Variants in GDE1 observed in about 807,000 individuals in gnomAD.
GDE1 encodes glycerophosphodiester phosphodiesterase 1.
GDE1 carries 24 observed loss-of-function variants against 32.2 expected under a neutral mutation model. The observed-to-expected ratio is 0.75, with a 90% confidence interval of 0.54 to 1.05. The LOEUF (loss-of-function observed/expected upper bound fraction) is 1.05, where lower values mean the gene tolerates loss of function less well. Among genes scored for constraint, GDE1 ranks in the 50% least tolerant of loss-of-function variants. GDE1 has a pLI of 0.00. For missense variants in GDE1, 380 were observed against 415.0 expected (o/e 0.92, Z 0.73); for synonymous variants, 159 against 158.6 (o/e 1.00, Z -0.02).
chr16:19,507,524 C>T, intron 4 of GDE1, 163 bp downstream of exon 4: 1 of 595,778 alleles, frequency 1.7e-6, no homozygotes, highest in Non-Finnish European at 3.0e-6. Context: ...GGTATGAGTA[C>T]ATTCCCCTTC....
rs374774754 is a variant in GDE1, at chr16:19,521,965, G to A, written c.-1C>T. 91 of 1,534,484 alleles carry A rather than the reference G, an allele frequency of 5.9e-5. No homozygotes were observed. Among genetic ancestry groups the A allele is most frequent in the Non-Finnish European group, 7.8e-5 (89 of 1,135,558 alleles). On this transcript the variant is annotated 5_prime_UTR_variant, in exon 1 of 6. Transcript: ENST00000353258. ...CGCCCTGGTCCTCCCACAGCCACAT[G>A]CCGGCGCCCGCACCGGCACGGACGG...
At chr16:19,509,949 C>A (rs1449563461) in intron 3 of GDE1, among the ~76,000 whole-genome samples, 1 of 151,900 alleles carries the variant, frequency 6.6e-6, no homozygotes, top group Non-Finnish European at 1.5e-5. Context: ...CTGCACCCGG[C>A]CCATTTTGGG....
rs1271763693 is a variant in GDE1 at position 19,505,646 on chromosome 16, T to C, written c.637-554A>G. ...GATGGAGTTCCTTTAGTCTCTGCTCTTGTGCTCCTCTGGGGGAATGTCTTA... is the reference window on the plus strand; with the variant it reads ...GATGGAGTTCCTTTAGTCTCTGCTCCTGTGCTCCTCTGGGGGAATGTCTTA... On this transcript the variant is annotated intron_variant, in intron 4 of 5. Coordinates refer to ENST00000353258, the MANE Select transcript of GDE1 (RefSeq NM_016641.4). Among the ~76,000 whole-genome samples the C allele has an allele frequency of 4.6e-5, 7 of 152,280 alleles. No homozygotes were observed. In the East Asian group the frequency reaches 1.4e-3, roughly 29 times the overall value.
chr16:19,508,643 C>G (rs1409817178), intron 3 of GDE1, among the ~76,000 whole-genome samples: 2 of 149,974 alleles, frequency 1.3e-5, no homozygotes, highest in African/African-American at 5.0e-5. Flanking sequence ...ATTTTTTTTT[C>G]TGTTTGAACA....
Position 19,521,944 on chromosome 16 carries a change from C to T in GDE1, c.21G>A (p.Gln7=), listed in dbSNP as rs867033644. The T allele has an allele frequency of 2.6e-6, 4 of 1,564,986 alleles. No homozygotes were observed. Among genetic ancestry groups the T allele is most frequent in the Non-Finnish European group, 3.5e-6 (4 of 1,154,142 alleles). Reference sequence around the variant, plus strand: ...AGGAGAAAGGGCCCAGGAGGCCGCCCTGGTCCTCCCACAGCCACATGCCGG... The same window carrying T: ...AGGAGAAAGGGCCCAGGAGGCCGCCTTGGTCCTCCCACAGCCACATGCCGG... MWLWED[Q]GGLLGPFSFL... is the part of the protein sequence containing the mutation. The change falls in exon 1 of 6, where the codon CAG becomes CAA. Residue 7 remains glutamine (Q), a synonymous_variant. Transcript: ENST00000353258.
At chr16:19,520,392 T>C (rs1394268625) in intron 1 of GDE1, among the ~76,000 whole-genome samples, 2 of 146,608 alleles carry the variant, frequency 1.4e-5, no homozygotes, top group African/African-American at 2.6e-5. Flanking sequence ...ACAGTGAGAC[T>C]TCGTTTAAAA....
chr16:19,511,052 C>A (rs888573122), intron 2 of GDE1, 108 bp from the exon 3 acceptor site: 3 of 564,490 alleles, frequency 5.3e-6, no homozygotes, highest in African/African-American at 3.9e-5. Context: ...AGTGTTTTCT[C>A]CAACTTCCTT....
At chr16:19,510,976 A>G (rs1259290441) in intron 2 of GDE1, 32 bp from the exon 3 acceptor site, 1 of 1,097,022 alleles carries the variant, frequency 9.1e-7, no homozygotes, top group East Asian at 2.4e-5. Context: ...GTTGTAGGAA[A>G]AAAGAGAAAC....
In GDE1 at chr16:19,503,342, G is replaced by T; in HGVS notation, c.*128C>A. 1.2e-6 allele frequency: 1 copy of T among 804,210 alleles called. No homozygotes were observed. Among genetic ancestry groups the T allele is most frequent in the Non-Finnish European group, 2.0e-6 (1 of 501,368 alleles). The allele number at this position is 804,210 out of a possible 1,614,324, so 49.8% of individuals were successfully genotyped here. A position where few individuals can be genotyped will look rare whatever the true frequency, so the allele number is the denominator to read the frequency against. On this transcript the variant is annotated 3_prime_UTR_variant, in exon 6 of 6. Coordinates refer to ENST00000353258, the MANE Select transcript of GDE1 (RefSeq NM_016641.4). ...TAGCTTTGGTTCAGGTAAAAATGCA[G>T]TGACCAACTATTGCATTTGTGTGAG...
Position 19,517,124 on chromosome 16 carries a change from G to C in GDE1, c.327C>G (p.Val109=). The change falls in exon 2 of 6, where the codon GTC becomes GTG. Residue 109 remains valine, a synonymous_variant. Coordinates refer to ENST00000353258, the MANE Select transcript of GDE1 (RefSeq NM_016641.4). The part of the protein sequence containing the change: ...DIEFTSDGIP[V]LMHDNTVDRT... ...TATCTACTGTGTTATCGTGCATTAA[G>C]ACAGGAATCCCGTCAGAAGTAAACT... 1.2e-6 allele frequency: 2 copies of C among 1,613,526 alleles called. No individual in the cohort carries two copies. The highest frequency in any genetic ancestry group is 1.7e-6 in the Non-Finnish European group (2 of 1,179,426).
chr16:19,513,993 G>T (rs1386196703), intron 2 of GDE1, among the ~76,000 whole-genome samples: 3 of 152,186 alleles, frequency 2.0e-5, no homozygotes, highest in Admixed American at 2.0e-4. Context: ...TAGATGAGAA[G>T]AATTGAAGCA....
Position 19,503,545 on chromosome 16 carries a change from C to CT in GDE1, c.920dup (p.Ser308GlufsTer14). The CT allele has an allele frequency of 1.2e-6, 2 of 1,613,376 alleles. No individual in the cohort carries two copies. Among genetic ancestry groups the CT allele is most frequent in the Non-Finnish European group, 1.7e-6 (2 of 1,179,306 alleles). ...AACCAAGATGGGATTCGTAGTAACT[C>CT]TTTTCATCAAAGGTATTAACAGTCC... On this transcript the variant is annotated frameshift_variant, in exon 6 of 6. Transcript: ENST00000353258. LOFTEE classifies it high-confidence loss of function.
chr16:19,521,733 G>A lies in GDE1; in HGVS notation c.232C>T (p.Pro78Ser). ...IAHRGGSHDA[P>S]ENTLAAIRQA... ...CGAATGGCCGCCAGCGTGTTCTCGG[G>A]CGCGTCGTGGCTGCCGCCACGGTGG... is the stretch of plus-strand genomic sequence containing the variant. Residue 78 changes from proline (P) to serine (S), a missense_variant, in exon 1 of 6, where the codon CCC becomes TCC. Transcript: ENST00000353258. The A allele has an allele frequency of 1.2e-6, 2 of 1,612,194 alleles. No homozygotes were observed. Among genetic ancestry groups the A allele is most frequent in the Non-Finnish European group, 1.7e-6 (2 of 1,179,578 alleles).
At chr16:19,520,727 A>T (rs1029860061) in intron 1 of GDE1, among the ~76,000 whole-genome samples, 5 of 119,876 alleles carry the variant, frequency 4.2e-5, no homozygotes, top group African/African-American at 1.7e-4. Flanking sequence ...TCTGTAAAGT[A>T]AAAAAAAAAA....
At position 19,519,127 on chromosome 16, in the gene GDE1, T is replaced by A. The variant is rs537815718; in HGVS notation, c.262-1938A>T. ...GGGGCCTATGGAACTTCTGACCAAT[T>A]GGCTTCAAGTCCTCTTAGGTTTATT... is the stretch of plus-strand genomic sequence containing the variant. On this transcript the variant is annotated intron_variant, in intron 1 of 5. Coordinates refer to ENST00000353258, the MANE Select transcript of GDE1 (RefSeq NM_016641.4). 3.3e-4 allele frequency among the ~76,000 whole-genome samples: 51 copies of A among 152,344 alleles called. No homozygotes were observed. In the Middle Eastern group the frequency reaches 0.01, roughly 30 times the overall value.
chr16:19,512,721 GTTGA>G (rs1471996469), intron 2 of GDE1, among the ~76,000 whole-genome samples: 2 of 152,018 alleles, frequency 1.3e-5, no homozygotes, highest in African/African-American at 4.8e-5. Context: ...TCCATTTTGT[GTTGA>G]TTTTTTAAAT....
intron 3 of GDE1, among the ~76,000 whole-genome samples, chr16:19,510,520 A>G (rs1389815226): frequency 6.6e-6 from 1 of 152,166 alleles, no homozygotes; most frequent in East Asian, 1.9e-4. Context: ...CAAGGTTACT[A>G]CAGTGGTTTT....
chr16:19,517,035 G>C lies in GDE1; in HGVS notation c.416C>G (p.Pro139Arg). 6.2e-7 allele frequency: 1 copy of C among 1,614,124 alleles called. No homozygotes were observed. Among genetic ancestry groups the C allele is most frequent in the East Asian group, 2.2e-5 (1 of 44,886 alleles). ...TTACCTGAGTCTGTGGTTTGCTGCA[G>C]GATTCAGCTTCCTAATTTGTTCAAA... ...LTFEQIRKLN[P>R]AANHRLRNDF... Residue 139 changes from proline to arginine, a missense_variant, in exon 2 of 6, where the codon CCT becomes CGT. Transcript: ENST00000353258.
chr16:19,509,725 A>G (rs779168524), intron 3 of GDE1, among the ~76,000 whole-genome samples: 9 of 150,980 alleles, frequency 6.0e-5, no homozygotes, highest in Middle Eastern at 3.4e-3. Context: ...TACTGGCGCA[A>G]TCTCGGCTCA....
Sources: allele counts gnomAD v4.1 joint callset (sites outside exome capture counted in the v4.1 genomes callset), GRCh38; gene constraint gnomAD v4.1.1; transcripts MANE v1.5; gene names NCBI Gene and HGNC (gene_info 2026-07-23, HGNC 2026-07-21).